Variants in MYCBP2 observed in about 807,000 individuals in gnomAD.
MYCBP2 encodes the protein MYC binding protein 2, also known as E3 ubiquitin-protein ligase MYCBP2.
In MYCBP2, 120 loss-of-function variants were observed where a neutral mutation model predicts 525.3. The ratio of observed to expected loss-of-function variants is 0.23; its 90% CI spans 0.20 to 0.27. The LOEUF (loss-of-function observed/expected upper bound fraction) is 0.27. Ranked by LOEUF, MYCBP2 falls within the 10% of genes least tolerant of loss-of-function variation. MYCBP2 has a pLI of 1.00. For synonymous variants in MYCBP2, 1,894 were observed against 1,955.8 expected, an observed-to-expected ratio of 0.97 and a Z score of 0.83; for missense variants, 4,149 against 5,657.1, an observed-to-expected ratio of 0.73 and a Z score of 8.55.
At chr13:77,050,792 C>T (rs1480991044) in intron 82 of MYCBP2, among the ~76,000 whole-genome samples, 1 of 152,176 alleles carries the variant, frequency 6.6e-6, no homozygotes, top group East Asian at 1.9e-4. Flanking sequence ...TGCTCCGTCA[C>T]AGCTAACTTC....
intron 18 of MYCBP2, among the ~76,000 whole-genome samples, chr13:77,228,581 GATCT>G (rs970591248): frequency 4.0e-5 from 6 of 151,132 alleles, no homozygotes; most frequent in African/African-American, 1.5e-4. Context: ...CCAAAGCTTA[GATCT>G]ATATAAAAAA....
At position 77,326,729 on chromosome 13, in the gene MYCBP2, C is replaced by T. The variant is rs1310549341; in HGVS notation, c.47G>A (p.Gly16Glu). 1 of 1,410,218 alleles carries T rather than the reference C, an allele frequency of 7.1e-7. No homozygotes were observed. Among genetic ancestry groups the T allele is most frequent in the Non-Finnish European group, 9.1e-7 (1 of 1,095,618 alleles). The allele number at this position is 1,410,218 out of a possible 1,614,324, so 87.4% of individuals were successfully genotyped here. A position where few individuals can be genotyped will look rare whatever the true frequency, so the allele number is the denominator to read the frequency against. The change falls in exon 1 of 83, where the codon GGG becomes GAG. Residue 16 changes from glycine to glutamate, a missense_variant. Physicochemically the swap from Gly to Glu is moderately conservative, Grantham distance 98 (BLOSUM62 -2). Around this residue, in one of 21 missense-constraint regions of MYCBP2, gnomAD observed 413 missense variants for 451.2 expected, o/e 0.92. Coordinates refer to ENST00000544440, the MANE Select transcript of MYCBP2 (RefSeq NM_015057.5). This position sits in a 1 kb window ranked among gnomAD's most constrained non-coding sequence, Gnocchi z 4.2. ...ATASPAAASS[G>E]LGGDGFYPAA... ...TGGGTAGAATCCGTCCCCGCCGAGC[C>T]CCGAGGAGGCGGCGGCGGGGGAGGC...
intron 3 of MYCBP2, among the ~76,000 whole-genome samples, chr13:77,283,620 G>C (rs2076423057): frequency 6.6e-6 from 1 of 152,194 alleles, no homozygotes; most frequent in Non-Finnish European, 1.5e-5. Flanking sequence ...TTATGCACCA[G>C]GCACGGTGAC....
chr13:77,160,887 T>G (rs932518145), intron 44 of MYCBP2, among the ~76,000 whole-genome samples: 5 of 152,208 alleles, frequency 3.3e-5, no homozygotes, highest in Admixed American at 1.3e-4. Flanking sequence ...TATAAGACAT[T>G]GCTGATAAAA....
intron 23 of MYCBP2, among the ~76,000 whole-genome samples, chr13:77,208,976 T>C (rs548677222): frequency 5.4e-4 from 82 of 152,270 alleles, no homozygotes; most frequent in African/African-American, 2.0e-3. Context: ...TAAGCTAATA[T>C]TGGATGTGCA....
intron 1 of MYCBP2, among the ~76,000 whole-genome samples, chr13:77,325,799 G>C (rs950821326): frequency 7.9e-5 from 12 of 152,186 alleles, no homozygotes; most frequent in African/African-American, 2.9e-4. Flanking sequence ...AGACCAAAAG[G>C]CCCGGTTATC....
At chr13:77,155,969 TG>T in intron 46 of MYCBP2, 88 bp downstream of exon 46, 1 of 1,265,708 alleles carries the variant, frequency 7.9e-7, no homozygotes, top group Non-Finnish European at 1.1e-6. Flanking sequence ...GTAGAACAAA[TG>T]GACTCTCAGC....
intron 2 of MYCBP2, among the ~76,000 whole-genome samples, chr13:77,288,900 C>G (rs560958114): frequency 6.6e-6 from 1 of 152,252 alleles, no homozygotes; most frequent in Admixed American, 6.5e-5. Flanking sequence ...ACTGTAGATG[C>G]TTCCCTAAGC....
Position 77,291,144 on chromosome 13 carries a change from C to T in MYCBP2, c.379-2768G>A, listed in dbSNP as rs528669740. Reference sequence around the variant, plus strand: ...ATGTATTTGGAATGCAGATATCTGACAAAAGACTTGTATTTAGAATATATG... The same window carrying T: ...ATGTATTTGGAATGCAGATATCTGATAAAAGACTTGTATTTAGAATATATG... On this transcript the variant is annotated intron_variant, in intron 2 of 82. Transcript: ENST00000544440. Among the ~76,000 whole-genome samples the T allele has an allele frequency of 4.9e-4, 74 of 152,052 alleles. 1 individual carries two copies. The highest frequency in any genetic ancestry group is 3.4e-3 in the Middle Eastern group (1 of 294).
intron 36 of MYCBP2, among the ~76,000 whole-genome samples, chr13:77,174,945 T>TTA (rs2059543034): frequency 1.2e-4 from 1 of 8,102 alleles, no homozygotes; most frequent in African/African-American, 2.3e-4. Flanking sequence ...TATATATATT[T>TTA]TATATATTAT....
intron 1 of MYCBP2, among the ~76,000 whole-genome samples, chr13:77,323,007 C>T (rs1366346815): frequency 6.6e-6 from 1 of 152,094 alleles, no homozygotes; most frequent in South Asian, 2.1e-4. Context: ...TCTTCAAGTC[C>T]CCACACCCCT....
chr13:77,209,732 T>C (rs2063754143), intron 23 of MYCBP2, among the ~76,000 whole-genome samples: 1 of 152,182 alleles, frequency 6.6e-6, no homozygotes, highest in African/African-American at 2.4e-5. Context: ...TGTACTCAAC[T>C]CAATACTGGC....
At chr13:77,123,985 T>A (rs992204074) in intron 54 of MYCBP2, among the ~76,000 whole-genome samples, 2 of 152,194 alleles carry the variant, frequency 1.3e-5, no homozygotes, top group African/African-American at 4.8e-5. Context: ...CTTATCTTTT[T>A]CAAATGAACA....
intron 26 of MYCBP2, among the ~76,000 whole-genome samples, chr13:77,197,225 G>A (rs2061846714): frequency 1.3e-5 from 2 of 152,246 alleles, no homozygotes; most frequent in South Asian, 4.2e-4. Flanking sequence ...AGTAGGAATG[G>A]TAAGAGAGAG....
intron 23 of MYCBP2, among the ~76,000 whole-genome samples, chr13:77,209,308 G>A (rs1248005347): frequency 1.3e-5 from 2 of 152,182 alleles, no homozygotes; most frequent in African/African-American, 2.4e-5. Context: ...TTACTGTTAC[G>A]CTTAGTTATA....
At chr13:77,048,721 C>T (rs938950844) in intron 82 of MYCBP2, among the ~76,000 whole-genome samples, 1 of 152,100 alleles carries the variant, frequency 6.6e-6, no homozygotes, top group African/African-American at 2.4e-5. Flanking sequence ...TGAAAATGCC[C>T]AGGACCGAGG....
intron 18 of MYCBP2, among the ~76,000 whole-genome samples, chr13:77,231,312 C>T (rs897309395): frequency 1.3e-5 from 2 of 152,190 alleles, no homozygotes; most frequent in African/African-American, 2.4e-5. Flanking sequence ...GCAACCTCTG[C>T]CTCCCAGGCT....
At chr13:77,117,478 A>C (rs1037408262) in intron 55 of MYCBP2, among the ~76,000 whole-genome samples, 4 of 152,144 alleles carry the variant, frequency 2.6e-5, no homozygotes, top group African/African-American at 9.6e-5. Flanking sequence ...ACCAGCTAGC[A>C]TTCTTTTACA....
At chr13:77,300,576 G>A (rs1188279004) in intron 1 of MYCBP2, among the ~76,000 whole-genome samples, 1 of 151,928 alleles carries the variant, frequency 6.6e-6, no homozygotes, top group Non-Finnish European at 1.5e-5. Flanking sequence ...CCAGATCTGG[G>A]GCATATTTTG....
Sources: gnomAD v4.1 joint callset for allele counts (sites outside exome capture counted in the v4.1 genomes callset) on GRCh38, gnomAD v4.1.1 for gene constraint, gnomAD v4.1.1 regional missense constraint, Gnocchi (gnomAD v3.1) non-coding constraint, MANE v1.5 for transcripts, NCBI Gene and HGNC (gene_info 2026-07-23, HGNC 2026-07-21) for gene names.